CCSER1: variants seen among roughly 807,000 people sequenced by gnomAD.
CCSER1 encodes serine-rich coiled-coil domain-containing protein 1.
Under a neutral mutation model 82.0 loss-of-function variants are expected in CCSER1, and 41 were observed. That is an observed-to-expected ratio of 0.50 (90% CI 0.39 to 0.65). CCSER1 has a LOEUF of 0.65. CCSER1 is among the 30% of genes least tolerant of loss of function. The pLI is 0.00. For synonymous variants in CCSER1, 414 were observed against 383.9 expected (o/e 1.08, Z -0.92); for missense variants, 1,119 against 1,064.2 (o/e 1.05, Z -0.72).
chr4:91,139,656 A>G (rs1052234568), intron 10 of CCSER1, among the ~76,000 whole-genome samples: 1 of 152,184 alleles, frequency 6.6e-6, no homozygotes, highest in African/African-American at 2.4e-5. Context: ...AAATGCATAT[A>G]AAATATCATA....
rs142008439 is a variant in CCSER1 at position 91,188,001 on chromosome 4, A to T, written c.2217+102007A>T. On this transcript the variant is annotated intron_variant, in intron 10 of 10. Transcript: ENST00000509176. ...GTAACCTTATGATTTCCCAATGCAG[A>T]ATTATCTTAGTATATTTACAGCAGT... Among the ~76,000 whole-genome samples the T allele has an allele frequency of 4.9e-3, 741 of 152,174 alleles. 6 individuals carry two copies. Among genetic ancestry groups the T allele is most frequent in the African/African-American group, 0.017 (698 of 41,538 alleles).
chr4:90,128,918 TA>T (rs748046667), intron 1 of CCSER1, among the ~76,000 whole-genome samples: 27 of 147,852 alleles, frequency 1.8e-4, no homozygotes, highest in Non-Finnish European at 3.0e-4. Flanking sequence ...TGAAATGAAG[TA>T]AAAAAAAAAC....
chr4:90,557,070 A>G (rs891675436), intron 5 of CCSER1, among the ~76,000 whole-genome samples: 3 of 151,804 alleles, frequency 2.0e-5, no homozygotes, highest in Admixed American at 1.3e-4. Context: ...TTCTTCTCTC[A>G]CTATATTAAT....
intron 4 of CCSER1, among the ~76,000 whole-genome samples, chr4:90,463,537 A>C (rs993216656): frequency 6.6e-6 from 1 of 152,194 alleles, no homozygotes; most frequent in Non-Finnish European, 1.5e-5. Context: ...ATGTTTGTTA[A>C]ATAATGTATT....
At chr4:90,587,222 G>C (rs1169450140) in intron 5 of CCSER1, among the ~76,000 whole-genome samples, 1 of 152,202 alleles carries the variant, frequency 6.6e-6, no homozygotes, top group African/African-American at 2.4e-5. Flanking sequence ...TGAGACCTCT[G>C]TCAGACTTCT....
chr4:90,418,580 A>G (rs1560488710), intron 4 of CCSER1, among the ~76,000 whole-genome samples: 4 of 152,038 alleles, frequency 2.6e-5, no homozygotes, highest in African/African-American at 9.6e-5. Flanking sequence ...ATAAAGCATT[A>G]TAGGAATAAA....
intron 10 of CCSER1, among the ~76,000 whole-genome samples, chr4:91,141,692 G>A (rs1018467211): frequency 1.3e-5 from 2 of 151,952 alleles, no homozygotes; most frequent in African/African-American, 4.8e-5. Flanking sequence ...TTAGTTCTTT[G>A]AGAAATCTCT....
chr4:91,495,579 T>C (rs1758756852), intron 10 of CCSER1, among the ~76,000 whole-genome samples: 1 of 151,548 alleles, frequency 6.6e-6, no homozygotes, highest in Non-Finnish European at 1.5e-5. Context: ...ATAAATATTC[T>C]TTTTTTGGTT....
chr4:90,710,063 T>A (rs1242257547), intron 6 of CCSER1, among the ~76,000 whole-genome samples: 3 of 152,022 alleles, frequency 2.0e-5, no homozygotes, highest in African/African-American at 4.8e-5. Flanking sequence ...TTTTGTTTGT[T>A]TGTTGGCTGC....
At chr4:90,820,772 A>G (rs1242740726) in intron 8 of CCSER1, among the ~76,000 whole-genome samples, 1 of 151,394 alleles carries the variant, frequency 6.6e-6, no homozygotes, top group African/African-American at 2.4e-5. Context: ...TTGCTTATAA[A>G]ATTATTAAGT....
intron 10 of CCSER1, among the ~76,000 whole-genome samples, chr4:91,419,064 A>G (rs1753547487): frequency 6.6e-6 from 1 of 152,034 alleles, no homozygotes; most frequent in Non-Finnish European, 1.5e-5. Context: ...TCAACAAATT[A>G]GGTATAAAAC....
intron 10 of CCSER1, among the ~76,000 whole-genome samples, chr4:91,453,961 A>G (rs1313053195): frequency 6.6e-6 from 1 of 152,108 alleles, no homozygotes; most frequent in Non-Finnish European, 1.5e-5. Flanking sequence ...GTATGTTTAC[A>G]GTGTCTCACA....
intron 10 of CCSER1, among the ~76,000 whole-genome samples, chr4:91,275,318 TTTTTTG>T (rs758549447): frequency 2.8e-4 from 42 of 151,870 alleles, no homozygotes; most frequent in African/African-American, 4.1e-4. Context: ...TTTGTTTTTG[TTTTTTG>T]TTTTTGTTTT....
intron 1 of CCSER1, among the ~76,000 whole-genome samples, chr4:90,306,267 G>T (rs1286748500): frequency 6.6e-6 from 1 of 152,066 alleles, no homozygotes; most frequent in East Asian, 1.9e-4. Flanking sequence ...AGTTTTAGAG[G>T]TTGATTCGAC....
At chr4:90,641,270 T>C (rs1014190584) in intron 6 of CCSER1, among the ~76,000 whole-genome samples, 1 of 152,026 alleles carries the variant, frequency 6.6e-6, no homozygotes, top group African/African-American at 2.4e-5. Flanking sequence ...TTAAATAATA[T>C]GTTGTTAAGT....
intron 10 of CCSER1, among the ~76,000 whole-genome samples, chr4:91,453,359 T>C (rs909822113): frequency 1.3e-5 from 2 of 152,020 alleles, no homozygotes; most frequent in African/African-American, 4.8e-5. Flanking sequence ...CCCATTGTAT[T>C]TTGAATTCTC....
intron 9 of CCSER1, among the ~76,000 whole-genome samples, chr4:91,021,061 G>A (rs1739916205): frequency 6.6e-6 from 1 of 152,118 alleles, no homozygotes. Flanking sequence ...ATGAGATTAT[G>A]CCAACTTATT....
intron 10 of CCSER1, among the ~76,000 whole-genome samples, chr4:91,197,776 C>T (rs1434671644): frequency 6.6e-6 from 1 of 152,096 alleles, no homozygotes; most frequent in African/African-American, 2.4e-5. Flanking sequence ...TATACGTGCC[C>T]CCATGGTATC....
At chr4:91,207,854 A>T (rs1448749097) in intron 10 of CCSER1, among the ~76,000 whole-genome samples, 1 of 151,964 alleles carries the variant, frequency 6.6e-6, no homozygotes, top group Non-Finnish European at 1.5e-5. Flanking sequence ...CCAGCAGTGC[A>T]TAAGTGTTCC....
Sources: gnomAD v4.1 joint callset for allele counts (sites outside exome capture counted in the v4.1 genomes callset) on GRCh38, gnomAD v4.1.1 for gene constraint, MANE v1.5 for transcripts, NCBI Gene and HGNC (gene_info 2026-07-23, HGNC 2026-07-21) for gene names.